The following GABPB2 variants were observed in gnomAD, a reference collection of about 807,000 sequenced individuals.
GABPB2 encodes the protein GA binding protein transcription factor subunit beta 2.
In GABPB2, 23 loss-of-function variants were observed where a neutral mutation model predicts 39.1. The observed-to-expected ratio is 0.59, with a 90% CI of 0.42 to 0.83. The LOEUF (loss-of-function observed/expected upper bound fraction) is 0.83. Ranked by LOEUF, GABPB2 falls within the 40% of genes least tolerant of loss-of-function variation. The pLI is 0.00. For synonymous variants in GABPB2, 184 were observed against 199.3 expected, an observed-to-expected ratio of 0.92 and a Z score of 0.65; for missense variants, 467 against 541.1, an observed-to-expected ratio of 0.86 and a Z score of 1.36.
Position 151,093,290 on chromosome 1 carries a change from A to T in GABPB2, c.375A>T (p.Lys125Asn). 1 of 1,613,266 alleles carries T rather than the reference A, an allele frequency of 6.2e-7. No individual in the cohort carries two copies. The highest frequency in any genetic ancestry group is 8.5e-7 in the Non-Finnish European group (1 of 1,179,742). ...HHRDVVELLI[K>N]YGADVHAFSK... ...GAGATGTCGTAGAGTTACTTATCAA[A>T]TATGGAGCTGATGTCCATGCTTTCA... The change falls in exon 4 of 9, where the codon AAA (lysine) becomes AAT (asparagine). Residue 125 changes from lysine (K) to asparagine (N), a missense_variant. Physicochemically the swap from Lys to Asn is moderately conservative, Grantham distance 94. Coordinates refer to ENST00000368918, the MANE Select transcript of GABPB2 (RefSeq NM_144618.3).
Position 151,118,266 on chromosome 1 carries a change from G to A in GABPB2, c.*10G>A, listed in dbSNP as rs780810410. 5 of 1,606,848 alleles carry A rather than the reference G, an allele frequency of 3.1e-6. No individual in the cohort carries two copies. The African/African-American group carries it at 4.0e-5, about 13-fold the overall frequency. ...AACTGTTTCATCTTAATATGCAAGG[G>A]CCACAATTTGCACTGTGTTCATATT... is the stretch of plus-strand genomic sequence containing the variant. On this transcript the variant is annotated 3_prime_UTR_variant, in exon 9 of 9. Transcript: ENST00000368918.
chr1:151,118,017 G>T lies in GABPB2; in HGVS notation c.1108G>T (p.Glu370Ter). 6.2e-7 allele frequency: 1 copy of T among 1,614,128 alleles called. No homozygotes were observed. The highest frequency in any genetic ancestry group is 8.5e-7 in the Non-Finnish European group (1 of 1,180,014). Reference sequence around the variant, plus strand: ...CCAGGAGGCCAATCGAAGAGCCCAGGAATACCGACACCAGCTCCTAAAGAA... The same window carrying T: ...CCAGGAGGCCAATCGAAGAGCCCAGTAATACCGACACCAGCTCCTAAAGAA... ...QLQEANRRAQ[E>*]YRHQLLKKEQ... Residue 370 changes from glutamate to a stop codon, truncating the protein, a stop_gained, in exon 9 of 9, where the codon GAA becomes TAA. Coordinates refer to ENST00000368918, the MANE Select transcript of GABPB2 (RefSeq NM_144618.3). LOFTEE classifies it high-confidence loss of function.
At position 151,093,340 on chromosome 1, in the gene GABPB2, A is replaced by C. The variant is rs1344054379; in HGVS notation, c.425A>C (p.Asp142Ala). The change falls in exon 4 of 9, where the codon GAC becomes GCC. Residue 142 changes from aspartate to alanine, a missense_variant. Transcript: ENST00000368918. The part of the protein sequence containing the change: ...AFSKFDKSAF[D>A]IALEKNNAEI... ...AGCAAATTTGATAAATCAGCCTTTG[A>C]CATAGCTCTGGAGAAAAACAATGCT... 6.2e-7 allele frequency: 1 copy of C among 1,609,404 alleles called. No homozygotes were observed. Among genetic ancestry groups the C allele is most frequent in the South Asian group, 1.1e-5 (1 of 89,962 alleles).
chr1:151,111,422 C>CT (rs1344132851), intron 7 of GABPB2, among the ~76,000 whole-genome samples: 2 of 135,190 alleles, frequency 1.5e-5, no homozygotes, highest in African/African-American at 2.8e-5. Context: ...TTTTTTTTTT[C>CT]TTTTTTTTCT....
chr1:151,109,987 T>G (rs1227206842), intron 7 of GABPB2, among the ~76,000 whole-genome samples: 1 of 144,720 alleles, frequency 6.9e-6, no homozygotes, highest in Non-Finnish European at 1.5e-5. Flanking sequence ...TACAATCATG[T>G]GCCACCATGC....
chr1:151,076,273 T>G (rs1489796629), intron 1 of GABPB2, among the ~76,000 whole-genome samples: 5 of 152,184 alleles, frequency 3.3e-5, no homozygotes, highest in Non-Finnish European at 1.5e-5. Flanking sequence ...TTCCAGTATG[T>G]GCCCAGAATT....
chr1:151,097,451 G>C (rs915234385), intron 4 of GABPB2, among the ~76,000 whole-genome samples: 7 of 151,972 alleles, frequency 4.6e-5, no homozygotes, highest in African/African-American at 1.7e-4. Context: ...GGATGGGAGT[G>C]GAATATGCTG....
chr1:151,114,829 G>C (rs1189205841), intron 7 of GABPB2, among the ~76,000 whole-genome samples: 1 of 152,114 alleles, frequency 6.6e-6, no homozygotes, highest in African/African-American at 2.4e-5. Flanking sequence ...GCCCAACATG[G>C]CAAAACCCCA....
At position 151,088,252 on chromosome 1, in the gene GABPB2, A is replaced by G; in HGVS notation, c.63A>G (p.Glu21=). The G allele has an allele frequency of 6.2e-7, 1 of 1,614,106 alleles. No homozygotes were observed. The highest frequency in any genetic ancestry group is 1.3e-5 in the African/African-American group (1 of 75,050). Residue 21 remains glutamate (E), a synonymous_variant, in exon 2 of 9, where the codon GAA becomes GAG. Transcript: ENST00000368918. ...CAGCAAGAAAAGGCCAAGATGATGA[A>G]GTGAGAACGTTGATGGCAAATGGCG... The part of the protein sequence containing the change: ...LEAARKGQDD[E]VRTLMANGAP...
At chr1:151,083,459 C>A (rs1294008308) in intron 1 of GABPB2, among the ~76,000 whole-genome samples, 1 of 152,116 alleles carries the variant, frequency 6.6e-6, no homozygotes, top group Non-Finnish European at 1.5e-5. Context: ...TGGCGAAAAC[C>A]TGTCTCTACT....
intron 7 of GABPB2, chr1:151,111,884 C>T (rs1170341465): frequency 2.0e-5 from 3 of 149,814 alleles, no homozygotes; most frequent in Non-Finnish European, 4.4e-5. Flanking sequence ...GGGTGCATGC[C>T]TTGGATAATC....
intron 6 of GABPB2, among the ~76,000 whole-genome samples, chr1:151,104,625 G>C (rs1425668809): frequency 8.5e-5 from 13 of 152,096 alleles, no homozygotes; most frequent in Non-Finnish European, 1.8e-4. Context: ...TATCTATCCA[G>C]GACCTTTCAG....
chr1:151,110,005 A>ATTTT lies in GABPB2; in HGVS notation c.922+2817_922+2820dup, dbSNP rs71577269. Among the ~76,000 whole-genome samples, 8 of 60,764 alleles carry ATTTT rather than the reference A, an allele frequency of 1.3e-4. 1 individual carries two copies. Among genetic ancestry groups the ATTTT allele is most frequent in the Non-Finnish European group, 2.1e-4 (6 of 28,834 alleles). The allele number at this position is 60,764 out of a possible 152,430, so 39.9% of individuals were successfully genotyped here. A position where few individuals can be genotyped will look rare whatever the true frequency, so the allele number is the denominator to read the frequency against. On this transcript the variant is annotated intron_variant, in intron 7 of 8. Transcript: ENST00000368918. ...AATCATGTGCCACCATGCCCAGCTA[A>ATTTT]TTTTTTTTTTTTTTTTTTTTTTTTT...
intron 6 of GABPB2, among the ~76,000 whole-genome samples, chr1:151,105,559 G>A (rs1017603135): frequency 1.3e-5 from 2 of 151,852 alleles, no homozygotes; most frequent in Non-Finnish European, 2.9e-5. Flanking sequence ...CTGTCACCCA[G>A]GCTGGAGTGC....
At chr1:151,092,199 C>G (rs1343599032) in intron 3 of GABPB2, among the ~76,000 whole-genome samples, 3 of 147,146 alleles carry the variant, frequency 2.0e-5, no homozygotes, top group Non-Finnish European at 4.5e-5. Flanking sequence ...CTCTGCCTCC[C>G]AGGTTCAAGC....
chr1:151,108,821 A>G (rs1349110536), intron 7 of GABPB2, among the ~76,000 whole-genome samples: 1 of 152,156 alleles, frequency 6.6e-6, no homozygotes, highest in Admixed American at 6.6e-5. Flanking sequence ...CAGTTATTCA[A>G]AAAAGACATA....
intron 2 of GABPB2, among the ~76,000 whole-genome samples, chr1:151,089,444 C>T (rs1473422342): frequency 1.3e-5 from 2 of 152,156 alleles, no homozygotes; most frequent in African/African-American, 4.8e-5. Context: ...ATAGATAACT[C>T]TTACAAGATT....
chr1:151,076,906 G>A (rs587776267), intron 1 of GABPB2, among the ~76,000 whole-genome samples: 2 of 150,388 alleles, frequency 1.3e-5, no homozygotes, highest in African/African-American at 4.9e-5. Context: ...CCATTCTCCT[G>A]CCTCAGCCTC....
chr1:151,071,520 TCGGCTCACTGCAACCTG>T (rs1676720083), intron 1 of GABPB2, among the ~76,000 whole-genome samples: 1 of 139,204 alleles, frequency 7.2e-6, no homozygotes, highest in East Asian at 2.3e-4. Context: ...TGGCGCGATT[TCGGCTCACTGCAACCTG>T]CAGCTCACTG....
Sources: allele counts gnomAD v4.1 joint callset (sites outside exome capture counted in the v4.1 genomes callset), GRCh38; gene constraint gnomAD v4.1.1; transcripts MANE v1.5; gene names NCBI Gene and HGNC (gene_info 2026-07-23, HGNC 2026-07-21).